Variants in TXN observed in about 807,000 individuals in gnomAD.
TXN encodes the protein thioredoxin, also known as ADF.
Under a neutral mutation model 16.5 loss-of-function variants are expected in TXN, and 10 were observed. That is an observed-to-expected ratio of 0.61 (90% CI 0.37 to 1.03). The LOEUF is 1.03. Ranked by LOEUF, TXN falls within the 50% of genes least tolerant of loss-of-function variation. The pLI, the probability that TXN is intolerant of heterozygous loss-of-function variation, is 0.01. For missense variants in TXN, 71 were observed against 122.5 expected, an observed-to-expected ratio of 0.58 and a Z score of 1.98; for synonymous variants, 35 against 39.4, an observed-to-expected ratio of 0.89 and a Z score of 0.42.
intron 2 of TXN, among the ~76,000 whole-genome samples, 163 bp downstream of exon 2, chr9:110,251,190 TATCAA>T (rs1837728725): frequency 6.6e-6 from 1 of 152,148 alleles, no homozygotes; most frequent in Non-Finnish European, 1.5e-5. Flanking sequence ...GGGCTACATG[TATCAA>T]ACCTAAATTA....
At chr9:110,249,125 C>CA (rs71302631) in intron 3 of TXN, among the ~76,000 whole-genome samples, 1,128 of 53,846 alleles carry the variant, frequency 0.021, 137 homozygotes, top group Middle Eastern at 0.033. Context: ...AACTCCATCT[C>CA]AAAAAAAAAA....
At chr9:110,254,672 C>T (rs1042619075) in intron 1 of TXN, among the ~76,000 whole-genome samples, 2 of 152,166 alleles carry the variant, frequency 1.3e-5, no homozygotes, top group Non-Finnish European at 2.9e-5. Context: ...CCCTTGTACA[C>T]CTTTGTCACT....
chr9:110,245,127 G>A (rs4135217), intron 3 of TXN: 5 of 261,566 alleles, frequency 1.9e-5, no homozygotes, highest in East Asian at 7.6e-5. Flanking sequence ...ATACTCCAGC[G>A]ATCCAATATG....
chr9:110,244,272 A>G, intron 4 of TXN, 53 bp from the exon 5 acceptor site: 1 of 794,088 alleles, frequency 1.3e-6, no homozygotes. Flanking sequence ...GCACTGTTTT[A>G]TACATAAAAT....
In TXN at chr9:110,256,097, C is replaced by A. The variant is rs1837806238; in HGVS notation, c.24+315G>T. On this transcript the variant is annotated intron_variant, in intron 1 of 4. Transcript: ENST00000374517. This position sits in a 1 kb window ranked among gnomAD's most constrained non-coding sequence, Gnocchi z 4.2. ...TCACGCTGTCTGCGCTCTCACATCC[C>A]CCGGACGCTCCCCGCGTGCGTGCAA... Among the ~76,000 whole-genome samples the A allele has an allele frequency of 6.6e-6, 1 of 152,184 alleles. No individual in the cohort carries two copies. Among genetic ancestry groups the A allele is most frequent in the African/African-American group, 2.4e-5 (1 of 41,450 alleles).
At chr9:110,252,058 T>C (rs925836349) in intron 1 of TXN, among the ~76,000 whole-genome samples, 1 of 151,928 alleles carries the variant, frequency 6.6e-6, no homozygotes, top group Non-Finnish European at 1.5e-5. Context: ...ATGCTGTCTC[T>C]ACTAAAAATA....
intron 1 of TXN, among the ~76,000 whole-genome samples, chr9:110,255,420 A>T (rs186134759): frequency 6.6e-6 from 1 of 152,232 alleles, no homozygotes; most frequent in South Asian, 2.1e-4. Flanking sequence ...ACTTTCAAAC[A>T]TGGGAAGGCT....
chr9:110,250,694 G>C (rs1261414691), intron 3 of TXN, 126 bp downstream of exon 3: 1 of 809,624 alleles, frequency 1.2e-6, no homozygotes, highest in African/African-American at 1.8e-5. Flanking sequence ...TTCTGAGATA[G>C]AACTTTTTAG....
intron 1 of TXN, among the ~76,000 whole-genome samples, chr9:110,255,994 A>T (rs1287815793): frequency 6.6e-6 from 1 of 151,882 alleles, no homozygotes; most frequent in Non-Finnish European, 1.5e-5. Flanking sequence ...CCAAGGGCGG[A>T]CCCCTTCCAT....
chr9:110,245,643 TA>T (rs1564367442), intron 3 of TXN, among the ~76,000 whole-genome samples: 987 of 36,958 alleles, frequency 0.027, 95 homozygotes, highest in Non-Finnish European at 0.035. Flanking sequence ...TATATATATA[TA>T]TATATATATA....
At chr9:110,255,460 AAAC>A (rs1837796949) in intron 1 of TXN, among the ~76,000 whole-genome samples, 1 of 152,248 alleles carries the variant, frequency 6.6e-6, no homozygotes, top group Non-Finnish European at 1.5e-5. Context: ...TAAGAGGACA[AAAC>A]AACGATCGGG....
intron 1 of TXN, among the ~76,000 whole-genome samples, chr9:110,253,947 C>T (rs1393427525): frequency 6.6e-6 from 1 of 152,010 alleles, no homozygotes; most frequent in Non-Finnish European, 1.5e-5. Flanking sequence ...GATCTCGTTG[C>T]CTCAACATAC....
intron 1 of TXN, among the ~76,000 whole-genome samples, chr9:110,254,283 G>A (rs1228157250): frequency 6.6e-6 from 1 of 152,228 alleles, no homozygotes; most frequent in Non-Finnish European, 1.5e-5. Flanking sequence ...CACTTTGGGA[G>A]CCTGAGGTTG....
chr9:110,256,478 A>T lies in TXN; in HGVS notation c.-43T>A. 1 of 1,589,520 alleles carries T rather than the reference A, an allele frequency of 6.3e-7. No individual in the cohort carries two copies. Among genetic ancestry groups the T allele is most frequent in the Non-Finnish European group, 8.6e-7 (1 of 1,166,602 alleles). On this transcript the variant is annotated 5_prime_UTR_variant, in exon 1 of 5. Transcript: ENST00000374517. This position sits in a 1 kb window ranked among gnomAD's most constrained non-coding sequence, Gnocchi z 4.2. ...GACGAGCGGCTGTAAGGACCGATGGAAATGGATCCAAAGCACCAAACAGAG... is the reference window on the plus strand; with the variant it reads ...GACGAGCGGCTGTAAGGACCGATGGTAATGGATCCAAAGCACCAAACAGAG...
At chr9:110,251,918 T>C (rs1837743335) in intron 1 of TXN, among the ~76,000 whole-genome samples, 2 of 152,152 alleles carry the variant, frequency 1.3e-5, no homozygotes, top group Non-Finnish European at 2.9e-5. Context: ...AATTGAAACA[T>C]CACAAGTTAC....
chr9:110,251,250 T>TC (rs1837729409), intron 2 of TXN, 108 bp downstream of exon 2: 13 of 793,562 alleles, frequency 1.6e-5, no homozygotes, highest in Middle Eastern at 3.6e-4. Flanking sequence ...GCCAAAGAAA[T>TC]CCCCCCACCG....
intron 3 of TXN, 112 bp from the exon 4 acceptor site, chr9:110,244,955 C>T: frequency 2.8e-6 from 2 of 717,574 alleles, no homozygotes; most frequent in East Asian, 2.6e-5. Flanking sequence ...CCCCACATTT[C>T]CGCATGAGGA....
chr9:110,250,265 G>A lies in TXN; in HGVS notation c.189+555C>T, dbSNP rs750695044. ...TAAAAACCACCCAGAACAGTGCCTG[G>A]TATATACCTAGTGCAAAACAAGTAT... On this transcript the variant is annotated intron_variant, in intron 3 of 4. Coordinates refer to ENST00000374517, the MANE Select transcript of TXN (RefSeq NM_003329.4). 7.9e-5 allele frequency among the ~76,000 whole-genome samples: 12 copies of A among 152,144 alleles called. 1 individual carries two copies. Among genetic ancestry groups the A allele is most frequent in the Non-Finnish European group, 1.8e-4 (12 of 68,026 alleles).
At chr9:110,244,665 C>A in intron 4 of TXN, 113 bp downstream of exon 4, 1 of 915,300 alleles carries the variant, frequency 1.1e-6, no homozygotes. Flanking sequence ...TTCTTAAAAG[C>A]AGAACTTGGT....
Sources: gnomAD v4.1 joint callset for allele counts (sites outside exome capture counted in the v4.1 genomes callset) on GRCh38, gnomAD v4.1.1 for gene constraint, Gnocchi (gnomAD v3.1) non-coding constraint, MANE v1.5 for transcripts, NCBI Gene and HGNC (gene_info 2026-07-23, HGNC 2026-07-21) for gene names.